The following SP110 variants were observed in gnomAD, a reference collection of about 807,000 sequenced individuals.
SP110 encodes the protein SP110 nuclear body protein, also known as interferon-induced protein 41, 30kD.
SP110 carries 62 observed loss-of-function variants against 92.7 expected under a neutral mutation model. The ratio of observed to expected loss-of-function variants is 0.67; its 90% CI spans 0.55 to 0.83. The LOEUF is 0.83. Among genes scored for constraint, SP110 ranks in the 40% least tolerant of loss-of-function variants. The pLI is 0.00. For synonymous variants in SP110, 273 were observed against 305.3 expected, an observed-to-expected ratio of 0.89 and a Z score of 1.10; for missense variants, 793 against 863.9, an observed-to-expected ratio of 0.92 and a Z score of 1.03.
chr2:230,205,735 A>T (rs1290027587), intron 8 of SP110, among the ~76,000 whole-genome samples: 1 of 152,248 alleles, frequency 6.6e-6, no homozygotes, highest in African/African-American at 2.4e-5. Flanking sequence ...TTTCAGGCAT[A>T]TTGAGACTGT....
chr2:230,189,937 C>G (rs2042535075), intron 10 of SP110, among the ~76,000 whole-genome samples: 1 of 152,194 alleles, frequency 6.6e-6, no homozygotes, highest in South Asian at 2.1e-4. Flanking sequence ...TTTATCCAGT[C>G]TAAATGCTGG....
intron 10 of SP110, among the ~76,000 whole-genome samples, chr2:230,197,121 G>A (rs1299020473): frequency 1.3e-5 from 2 of 152,162 alleles, no homozygotes; most frequent in Non-Finnish European, 2.9e-5. Context: ...TCACCACACC[G>A]ATTTCCACAA....
At chr2:230,216,666 G>C (rs946859348) in intron 2 of SP110, 115 bp downstream of exon 2, 1 of 1,250,766 alleles carries the variant, frequency 8.0e-7, no homozygotes, top group African/African-American at 1.5e-5. Context: ...TAATGAACAT[G>C]CCTGGGCTGG....
intron 15 of SP110, chr2:230,172,545 C>A: frequency 1.9e-6 from 1 of 524,910 alleles, no homozygotes; most frequent in Non-Finnish European, 3.5e-6. Context: ...TGTGACAAGC[C>A]GTGCTTCCTG....
intron 12 of SP110, among the ~76,000 whole-genome samples, chr2:230,179,323 G>C (rs1310979901): frequency 6.6e-6 from 1 of 152,096 alleles, no homozygotes; most frequent in Non-Finnish European, 1.5e-5. Flanking sequence ...GCTAGGCATG[G>C]GGGTGGAGGG....
intron 18 of SP110, among the ~76,000 whole-genome samples, chr2:230,170,136 G>A (rs1246087534): frequency 6.6e-6 from 1 of 152,208 alleles, no homozygotes; most frequent in African/African-American, 2.4e-5. Context: ...TAGTAAAGGA[G>A]GATGAAACCA....
At position 230,209,808 on chromosome 2, in the gene SP110, G is replaced by C. The variant is rs530367649; in HGVS notation, c.829+123C>G. 4 of 735,040 alleles carry C rather than the reference G, an allele frequency of 5.4e-6. No homozygotes were observed. In the Admixed American group the frequency reaches 5.9e-5, roughly 11 times the overall value. The allele number at this position is 735,040 out of a possible 1,614,324, so 45.5% of individuals were successfully genotyped here. A position where few individuals can be genotyped will look rare whatever the true frequency, so the allele number is the denominator to read the frequency against. On this transcript the variant is annotated intron_variant, in intron 7 of 18. Transcript: ENST00000258381. ...TGCAGCAAATGGAAACTGCAGAAACGAACTGTGTGTGGCATCAGGACTGTG... is the reference window on the plus strand; with the variant it reads ...TGCAGCAAATGGAAACTGCAGAAACCAACTGTGTGTGGCATCAGGACTGTG...
At chr2:230,183,348 C>T (rs2042210310) in intron 12 of SP110, among the ~76,000 whole-genome samples, 1 of 152,142 alleles carries the variant, frequency 6.6e-6, no homozygotes, top group South Asian at 2.1e-4. Flanking sequence ...TTGTATAGCT[C>T]TGTGTTAAAG....
In SP110 at chr2:230,168,903, T is replaced by G; in HGVS notation, c.*221A>C. On this transcript the variant is annotated 3_prime_UTR_variant, in exon 19 of 19. Transcript: ENST00000258381. ...AACTATGATGGGGTATCTGATGGTA[T>G]TAAGGAAGTATTAATTTTTTTTTTT... The G allele has an allele frequency of 2.2e-6, 1 of 462,526 alleles. No individual in the cohort carries two copies. The highest frequency in any genetic ancestry group is 2.1e-5 in the African/African-American group (1 of 48,460). 28.7% of individuals were successfully genotyped at this position (462,526 alleles called of 1,614,324 possible).
chr2:230,175,132 T>C (rs1054424574), intron 14 of SP110, among the ~76,000 whole-genome samples: 3 of 152,196 alleles, frequency 2.0e-5, no homozygotes, highest in Non-Finnish European at 4.4e-5. Flanking sequence ...CATATGTCCC[T>C]GTGATCTCAT....
intron 8 of SP110, among the ~76,000 whole-genome samples, chr2:230,205,797 G>A (rs2043724332): frequency 6.6e-6 from 1 of 152,228 alleles, no homozygotes; most frequent in Non-Finnish European, 1.5e-5. Context: ...AGCTGGCTAT[G>A]TGTTTCTTGA....
chr2:230,191,986 C>G (rs925512907), intron 10 of SP110, among the ~76,000 whole-genome samples: 2 of 152,160 alleles, frequency 1.3e-5, no homozygotes, highest in Admixed American at 6.5e-5. Context: ...TCAACATACA[C>G]AAATCAATAA....
chr2:230,204,181 C>A (rs2043497470), intron 8 of SP110, among the ~76,000 whole-genome samples: 1 of 152,180 alleles, frequency 6.6e-6, no homozygotes, highest in Non-Finnish European at 1.5e-5. Flanking sequence ...GGTAGCTTGG[C>A]AGAGAGATGT....
intron 9 of SP110, 87 bp from the exon 10 acceptor site, chr2:230,201,052 G>A (rs2043136044): frequency 9.8e-7 from 1 of 1,020,758 alleles, no homozygotes; most frequent in South Asian, 1.3e-5. Context: ...TGCACACTCT[G>A]AAGTTGAGTC....
intron 10 of SP110, 59 bp from the exon 11 acceptor site, chr2:230,186,202 T>C: frequency 6.4e-7 from 1 of 1,551,114 alleles, no homozygotes; most frequent in Non-Finnish European, 8.9e-7. Flanking sequence ...TCCCAGCCCC[T>C]ACCCTTTCAG....
At chr2:230,223,186 A>T (rs916912364), upstream of SP110, among the ~76,000 whole-genome samples, 8 of 152,000 alleles carry the variant, frequency 5.3e-5, no homozygotes, top group African/African-American at 1.9e-4. Context: ...ACAGGCACGC[A>T]TCACCATACC....
chr2:230,219,714 C>A (rs561988747), intron 1 of SP110, 160 bp downstream of exon 1: 1 of 158,346 alleles, frequency 6.3e-6, no homozygotes, highest in African/African-American at 2.4e-5. Flanking sequence ...TCCATGTGCC[C>A]CCTTTTAACA....
At chr2:230,223,646 A>T (rs745447782), upstream of SP110, among the ~76,000 whole-genome samples, 8 of 152,258 alleles carry the variant, frequency 5.3e-5, no homozygotes, top group African/African-American at 1.7e-4. Context: ...GTTATCTGAC[A>T]TAATTGGACA....
At chr2:230,206,633 A>ATATATATATATATG in intron 8 of SP110, among the ~76,000 whole-genome samples, 1 of 113,568 alleles carries the variant, frequency 8.8e-6, no homozygotes, top group South Asian at 2.8e-4. Context: ...ATATATATAT[A>ATATATATATATATG]TATATGGACC....
Sources: gnomAD v4.1 joint callset for allele counts (sites outside exome capture counted in the v4.1 genomes callset) on GRCh38, gnomAD v4.1.1 for gene constraint, MANE v1.5 for transcripts, NCBI Gene and HGNC (gene_info 2026-07-23, HGNC 2026-07-21) for gene names.